PEAK1: variants seen among roughly 807,000 people sequenced by gnomAD.
PEAK1 encodes the protein inactive tyrosine-protein kinase PEAK1.
A neutral mutation model predicts 124.7 loss-of-function variants in PEAK1; 54 were observed. The ratio of observed to expected loss-of-function variants is 0.43; its 90% CI spans 0.35 to 0.54. The LOEUF (loss-of-function observed/expected upper bound fraction) is 0.54. PEAK1 is among the 20% of genes least tolerant of loss of function. The pLI is 0.01. For missense variants in PEAK1, 2,046 were observed against 2,134.5 expected (o/e 0.96, Z 0.82); for synonymous variants, 719 against 760.0 (o/e 0.95, Z 0.89).
intron 9 of PEAK1, among the ~76,000 whole-genome samples, chr15:77,123,457 G>C (rs549780343): frequency 3.3e-5 from 5 of 152,114 alleles, no homozygotes; most frequent in Non-Finnish European, 7.4e-5. Flanking sequence ...ACTGCTTCAG[G>C]CATGAAATAA....
At chr15:77,169,705 A>G (rs1344857996) in intron 7 of PEAK1, among the ~76,000 whole-genome samples, 2 of 152,232 alleles carry the variant, frequency 1.3e-5, no homozygotes, top group African/African-American at 4.8e-5. Flanking sequence ...AGTTTGGACC[A>G]AGGTAGTAGA....
rs189921868 is a variant in PEAK1 at position 77,259,953 on chromosome 15, G to C, written c.-274-7427C>G. Among the ~76,000 whole-genome samples the C allele has an allele frequency of 5.6e-3, 853 of 152,224 alleles. 7 individuals carry two copies. The highest frequency in any genetic ancestry group is 7.9e-3 in the Non-Finnish European group (536 of 67,986). On this transcript the variant is annotated intron_variant, in intron 5 of 9. Transcript: ENST00000682557. ...AGACAGCTAAAGTAATCTGAATAAGGGTTCTCCTGAGCATTTAGCTAGATA... is the reference window on the plus strand; with the variant it reads ...AGACAGCTAAAGTAATCTGAATAAGCGTTCTCCTGAGCATTTAGCTAGATA...
At chr15:77,136,592 G>A (rs887183979) in intron 8 of PEAK1, among the ~76,000 whole-genome samples, 24 of 152,080 alleles carry the variant, frequency 1.6e-4, no homozygotes, top group Admixed American at 7.9e-4. Context: ...CTTGAACCTC[G>A]GAGGTGGAGG....
chr15:77,180,381 G>A lies in PEAK1; in HGVS notation c.1546C>T (p.Pro516Ser), dbSNP rs201248007. The A allele has an allele frequency of 2.6e-5, 42 of 1,613,980 alleles. 1 individual carries two copies. In the African/African-American group the frequency reaches 2.8e-4, roughly 11 times the overall value. ...TGGAAATGGGCACTTATTTGTCCTG[G>A]TGTCAATGAAGATGATGTAACTGGA... ...NSPVTSSSLT[P>S]GQISAHFQKS... The change falls in exon 7 of 10, where the codon CCA (proline) becomes TCA (serine). Residue 516 changes from proline (P) to serine (S), a missense_variant. By Grantham distance (74) the Pro-to-Ser change is moderately conservative. Transcript: ENST00000682557.
intron 6 of PEAK1, among the ~76,000 whole-genome samples, chr15:77,233,871 C>CT (rs924613566): frequency 7.9e-5 from 12 of 151,868 alleles, no homozygotes; most frequent in Non-Finnish European, 1.5e-4. Flanking sequence ...TTAAACCTCT[C>CT]TTTTTTTTGA....
At chr15:77,218,223 G>A (rs987113901) in intron 6 of PEAK1, among the ~76,000 whole-genome samples, 4 of 152,100 alleles carry the variant, frequency 2.6e-5, no homozygotes, top group African/African-American at 9.7e-5. Context: ...CATCAAAGAT[G>A]AATATAATGC....
At chr15:77,360,090 T>C (rs1194980379) in intron 2 of PEAK1, among the ~76,000 whole-genome samples, 4 of 152,140 alleles carry the variant, frequency 2.6e-5, no homozygotes, top group Non-Finnish European at 5.9e-5. Flanking sequence ...TGGAACAGAA[T>C]TGAAAGTCCA....
chr15:77,273,059 C>CA, intron 5 of PEAK1, among the ~76,000 whole-genome samples: 2 of 152,274 alleles, frequency 1.3e-5, no homozygotes, highest in South Asian at 4.1e-4. Context: ...CAAAATCCAG[C>CA]ATCCCTTTAT....
At chr15:77,200,508 A>C (rs2058312535) in intron 6 of PEAK1, among the ~76,000 whole-genome samples, 1 of 152,158 alleles carries the variant, frequency 6.6e-6, no homozygotes, top group Non-Finnish European at 1.5e-5. Context: ...ACTGAATCAT[A>C]ATCTACATTT....
intron 2 of PEAK1, among the ~76,000 whole-genome samples, chr15:77,330,591 C>T (rs2065834617): frequency 6.6e-6 from 1 of 152,140 alleles, no homozygotes; most frequent in Non-Finnish European, 1.5e-5. Flanking sequence ...GTTAAGCTGA[C>T]CTCCTTACTC....
intron 5 of PEAK1, among the ~76,000 whole-genome samples, chr15:77,279,104 CGTGTGTGT>C (rs34561338): frequency 0.012 from 1,353 of 115,120 alleles, 16 homozygotes; most frequent in African/African-American, 0.031. Context: ...CTCGTGTGTG[CGTGTGTGT>C]GTGTGTGTGT....
intron 2 of PEAK1, among the ~76,000 whole-genome samples, chr15:77,300,596 G>A (rs537856679): frequency 6.6e-6 from 1 of 152,016 alleles, no homozygotes; most frequent in Non-Finnish European, 1.5e-5. Context: ...CCTTTGTCAC[G>A]ATTACTAAAA....
At chr15:77,322,216 G>A (rs2065267067) in intron 2 of PEAK1, among the ~76,000 whole-genome samples, 2 of 152,110 alleles carry the variant, frequency 1.3e-5, no homozygotes, top group South Asian at 2.1e-4. Flanking sequence ...ACAATTAAAC[G>A]AACTAGAGAA....
intron 9 of PEAK1, among the ~76,000 whole-genome samples, chr15:77,119,446 C>G (rs991967169): frequency 2.6e-5 from 4 of 152,222 alleles, no homozygotes; most frequent in African/African-American, 4.8e-5. Flanking sequence ...AAACAAGTAT[C>G]TCATGGCTCC....
intron 2 of PEAK1, among the ~76,000 whole-genome samples, chr15:77,353,342 G>C (rs1389126444): frequency 1.3e-5 from 2 of 152,154 alleles, no homozygotes; most frequent in Non-Finnish European, 1.5e-5. Context: ...GTTTGGGATG[G>C]CTGCTATACA....
At position 77,110,588 on chromosome 15, in the gene PEAK1, C is replaced by T. The variant is rs573735343; in HGVS notation, c.*3568G>A. On this transcript the variant is annotated 3_prime_UTR_variant, in exon 10 of 10. Coordinates refer to ENST00000682557, the MANE Select transcript of PEAK1 (RefSeq NM_001385026.1). Reference sequence around the variant, plus strand: ...GGAGGCTACTCCAACTGTTAAAATCCTAACCAATATGTTTTACTTCTAGCT... The same window carrying T: ...GGAGGCTACTCCAACTGTTAAAATCTTAACCAATATGTTTTACTTCTAGCT... The T allele has an allele frequency of 6.6e-6, 1 of 152,308 alleles. No individual in the cohort carries two copies. The highest frequency in any genetic ancestry group is 2.4e-5 in the African/African-American group (1 of 41,566). 9.4% of individuals were successfully genotyped at this position (152,308 alleles called of 1,614,324 possible).
intron 6 of PEAK1, among the ~76,000 whole-genome samples, chr15:77,210,751 G>A (rs934484259): frequency 3.3e-5 from 5 of 152,058 alleles, no homozygotes; most frequent in Admixed American, 2.6e-4. Context: ...ATGGTGACAG[G>A]TACCTGTAAT....
intron 8 of PEAK1, among the ~76,000 whole-genome samples, chr15:77,153,212 T>C (rs1270554441): frequency 1.3e-5 from 2 of 152,216 alleles, no homozygotes; most frequent in Admixed American, 6.5e-5. Flanking sequence ...CCTGGTTTAG[T>C]CTTGGATGGG....
chr15:77,295,144 C>T (rs949259464), intron 2 of PEAK1, among the ~76,000 whole-genome samples: 3 of 152,096 alleles, frequency 2.0e-5, no homozygotes, highest in Non-Finnish European at 4.4e-5. Flanking sequence ...TAAAAAGTAC[C>T]ACTCAGGGTG....
Sources: gnomAD v4.1 joint callset for allele counts (sites outside exome capture counted in the v4.1 genomes callset) on GRCh38, gnomAD v4.1.1 for gene constraint, MANE v1.5 for transcripts, NCBI Gene and HGNC (gene_info 2026-07-23, HGNC 2026-07-21) for gene names.